Variants in TAF3 observed in about 807,000 individuals in gnomAD.
TAF3 encodes TATA-box binding protein associated factor 3.
In TAF3, 7 loss-of-function variants were observed where a neutral mutation model predicts 80.6. The observed-to-expected ratio is 0.09, with a 90% CI of 0.05 to 0.16. The LOEUF (loss-of-function observed/expected upper bound fraction) is 0.16. Among genes scored for constraint, TAF3 ranks in the 10% least tolerant of loss-of-function variants. TAF3 has a pLI of 1.00. For missense variants in TAF3, 921 were observed against 1,140.2 expected (o/e 0.81, Z 2.77); for synonymous variants, 444 against 446.1 (o/e 1.00, Z 0.06).
At chr10:7,885,487 C>T (rs1837401435) in intron 2 of TAF3, among the ~76,000 whole-genome samples, 1 of 152,096 alleles carries the variant, frequency 6.6e-6, no homozygotes, top group African/African-American at 2.4e-5. Flanking sequence ...AGTGTTGCTC[C>T]TGCATTTTGT....
chr10:7,822,605 A>G (rs151238183), intron 1 of TAF3, among the ~76,000 whole-genome samples: 30 of 152,290 alleles, frequency 2.0e-4, no homozygotes, highest in African/African-American at 7.2e-4. Context: ...CATTGGCTGA[A>G]TATCCTTCCA....
At chr10:7,938,883 G>C (rs1837950214) in intron 2 of TAF3, among the ~76,000 whole-genome samples, 1 of 152,178 alleles carries the variant, frequency 6.6e-6, no homozygotes, top group Non-Finnish European at 1.5e-5. Flanking sequence ...ATTGTGGATT[G>C]ACCCATGAGT....
intron 2 of TAF3, among the ~76,000 whole-genome samples, chr10:7,882,988 T>G (rs1333416401): frequency 2.0e-5 from 3 of 152,344 alleles, no homozygotes; most frequent in Non-Finnish European, 2.9e-5. Flanking sequence ...CCTTTGTCCT[T>G]AAATATTTCA....
intron 3 of TAF3, among the ~76,000 whole-genome samples, chr10:7,974,169 CACAA>C (rs1408707023): frequency 1.2e-4 from 17 of 145,328 alleles, no homozygotes; most frequent in East Asian, 3.9e-4. Context: ...CACACACACA[CACAA>C]ACACACACAC....
chr10:7,993,478 C>A (rs1163034358), intron 4 of TAF3, among the ~76,000 whole-genome samples: 1 of 152,160 alleles, frequency 6.6e-6, no homozygotes, highest in Non-Finnish European at 1.5e-5. Context: ...CATGCCCAGC[C>A]GCTTCCTTTT....
chr10:7,916,712 CTT>C (rs963578300), intron 2 of TAF3, among the ~76,000 whole-genome samples: 2 of 152,040 alleles, frequency 1.3e-5, no homozygotes, highest in African/African-American at 4.8e-5. Flanking sequence ...TTAAGGGAAT[CTT>C]TTTAAAAATC....
At chr10:8,008,426 A>G (rs895049263) in intron 4 of TAF3, among the ~76,000 whole-genome samples, 4 of 152,168 alleles carry the variant, frequency 2.6e-5, no homozygotes, top group African/African-American at 9.7e-5. Flanking sequence ...AAACCTGGCA[A>G]TCAAAGCCAA....
At chr10:7,866,346 A>G (rs904451451) in intron 2 of TAF3, among the ~76,000 whole-genome samples, 9 of 152,198 alleles carry the variant, frequency 5.9e-5, no homozygotes, top group Admixed American at 1.3e-4. Context: ...GCTGAGTGCA[A>G]TGCACAAGAG....
At chr10:7,979,362 GAAA>G (rs5783007) in intron 4 of TAF3, among the ~76,000 whole-genome samples, 2 of 134,814 alleles carry the variant, frequency 1.5e-5, no homozygotes, top group African/African-American at 2.9e-5. Context: ...AAAAAAAAAT[GAAA>G]AAAAAAAAAA....
chr10:7,936,483 G>A (rs886678736), intron 2 of TAF3, among the ~76,000 whole-genome samples: 1 of 151,648 alleles, frequency 6.6e-6, no homozygotes, highest in Non-Finnish European at 1.5e-5. Context: ...GAAGAGGGTA[G>A]GACCTGAGCT....
intron 4 of TAF3, among the ~76,000 whole-genome samples, chr10:8,005,077 G>A (rs1377458762): frequency 6.6e-6 from 1 of 152,058 alleles, no homozygotes; most frequent in African/African-American, 2.4e-5. Context: ...TAGAAGGTCT[G>A]TTTGGTTCTT....
chr10:7,941,115 A>G (rs1480691988), intron 2 of TAF3, among the ~76,000 whole-genome samples: 2 of 152,212 alleles, frequency 1.3e-5, no homozygotes, highest in Non-Finnish European at 2.9e-5. Context: ...GAGAGCCACA[A>G]ATATGAAGCT....
chr10:7,982,236 A>G (rs1241679981), intron 4 of TAF3, among the ~76,000 whole-genome samples: 1 of 152,124 alleles, frequency 6.6e-6, no homozygotes, highest in Non-Finnish European at 1.5e-5. Flanking sequence ...TTTAGGGGAA[A>G]GTAAAGAGAG....
intron 4 of TAF3, among the ~76,000 whole-genome samples, chr10:7,985,947 C>T (rs745839154): frequency 6.6e-6 from 1 of 152,010 alleles, no homozygotes. Context: ...CCACACCCAG[C>T]TAATTTTTGT....
chr10:7,946,746 G>A (rs1347509928), intron 2 of TAF3, among the ~76,000 whole-genome samples: 1 of 103,696 alleles, frequency 9.6e-6, no homozygotes, highest in Non-Finnish European at 2.2e-5. Flanking sequence ...AAGAAGGAAA[G>A]TGGCACTCTA....
chr10:7,989,633 G>A (rs942215178), intron 4 of TAF3, among the ~76,000 whole-genome samples: 1 of 152,140 alleles, frequency 6.6e-6, no homozygotes, highest in African/African-American at 2.4e-5. Flanking sequence ...TACAAAATTT[G>A]TGTTACCTTA....
At chr10:7,902,439 A>T (rs181731019) in intron 2 of TAF3, among the ~76,000 whole-genome samples, 2 of 152,214 alleles carry the variant, frequency 1.3e-5, no homozygotes, top group African/African-American at 4.8e-5. Context: ...AAAATAATAA[A>T]AAAAGAATCT....
chr10:7,863,629 AT>A lies in TAF3; in HGVS notation c.409+39070del, dbSNP rs1564350793. Among the ~76,000 whole-genome samples, 53 of 90,906 alleles carry A rather than the reference AT, an allele frequency of 5.8e-4. 16 individuals are homozygous for A. Among genetic ancestry groups the A allele is most frequent in the African/African-American group, 2.2e-3 (48 of 21,596 alleles). 59.6% of individuals were successfully genotyped at this position (90,906 alleles called of 152,430 possible). On this transcript the variant is annotated intron_variant, in intron 2 of 6. Transcript: ENST00000344293. ...TGTCTAAAAAAAAAAAAAAAAAAAT[AT>A]ATATATATATATATATACACACACA... is the stretch of plus-strand genomic sequence containing the variant.
At chr10:7,893,256 A>G (rs1186637820) in intron 2 of TAF3, among the ~76,000 whole-genome samples, 1 of 152,236 alleles carries the variant, frequency 6.6e-6, no homozygotes, top group Non-Finnish European at 1.5e-5. Flanking sequence ...AAAGCCCTAG[A>G]TTCCTGAAAG....
Sources: gnomAD v4.1 joint callset for allele counts (sites outside exome capture counted in the v4.1 genomes callset) on GRCh38, gnomAD v4.1.1 for gene constraint, MANE v1.5 for transcripts, NCBI Gene and HGNC (gene_info 2026-07-23, HGNC 2026-07-21) for gene names.